The following TANGO6 variants were observed in gnomAD, a reference collection of about 807,000 sequenced individuals.
TANGO6 encodes the protein transport and Golgi organization protein 6 homolog.
Under a neutral mutation model 114.2 loss-of-function variants are expected in TANGO6, and 90 were observed. The ratio of observed to expected loss-of-function variants is 0.79; its 90% confidence interval spans 0.66 to 0.94. TANGO6 has a LOEUF of 0.94. TANGO6 is among the 40% of genes least tolerant of loss of function. The pLI is 0.00. For synonymous variants in TANGO6, 477 were observed against 509.8 expected (o/e 0.94, Z 0.87); for missense variants, 1,274 against 1,315.3 (o/e 0.97, Z 0.49).
chr16:69,068,980 G>A (rs1203700509), intron 17 of TANGO6, among the ~76,000 whole-genome samples: 1 of 152,194 alleles, frequency 6.6e-6, no homozygotes, highest in Non-Finnish European at 1.5e-5. Flanking sequence ...GCCTGCCACA[G>A]TGCTGGGATT....
chr16:68,936,374 G>A (rs1240770374), intron 14 of TANGO6, among the ~76,000 whole-genome samples: 1 of 151,822 alleles, frequency 6.6e-6, no homozygotes, highest in East Asian at 1.9e-4. Context: ...TTTCTTTCTT[G>A]TTACCCAGGC....
intron 4 of TANGO6, among the ~76,000 whole-genome samples, chr16:68,872,392 C>T (rs1255758156): frequency 2.6e-5 from 4 of 151,436 alleles, no homozygotes; most frequent in South Asian, 2.1e-4. Flanking sequence ...ACCTCTGCCT[C>T]CCAGGTTCAA....
chr16:68,855,230 T>C (rs1217381787), intron 1 of TANGO6, among the ~76,000 whole-genome samples: 23 of 151,530 alleles, frequency 1.5e-4, no homozygotes, highest in Admixed American at 1.5e-3. Flanking sequence ...ACATAAAAAA[T>C]TTCTCAGCAA....
intron 15 of TANGO6, among the ~76,000 whole-genome samples, chr16:68,979,418 T>C (rs750693003): frequency 1.1e-4 from 17 of 151,888 alleles, no homozygotes; most frequent in South Asian, 2.1e-4. Context: ...TTAGTAGAGA[T>C]GGGGTTTCAT....
intron 17 of TANGO6, among the ~76,000 whole-genome samples, chr16:69,050,472 A>G (rs1003213098): frequency 1.3e-5 from 2 of 149,274 alleles, no homozygotes; most frequent in Non-Finnish European, 3.0e-5. Context: ...CTCCTAAACT[A>G]TGCCACCATG....
chr16:68,936,707 A>G (rs192425678), intron 14 of TANGO6, among the ~76,000 whole-genome samples: 1 of 152,214 alleles, frequency 6.6e-6, no homozygotes, highest in African/African-American at 2.4e-5. Flanking sequence ...TTTAAAGGGT[A>G]TTTTGAAAAC....
intron 7 of TANGO6, 131 bp downstream of exon 7, chr16:68,880,761 G>A (rs550510632): frequency 1.4e-3 from 692 of 500,812 alleles, no homozygotes; most frequent in Non-Finnish European, 1.7e-3. Context: ...CTGGCCTCAA[G>A]CGATCCTCCT....
chr16:68,865,328 G>T (rs566957755), intron 3 of TANGO6, among the ~76,000 whole-genome samples: 1 of 150,788 alleles, frequency 6.6e-6, no homozygotes. Context: ...CAGTGTTCTA[G>T]CCCAAAATAA....
chr16:68,929,210 C>T (rs993864449), intron 13 of TANGO6, among the ~76,000 whole-genome samples: 18 of 152,168 alleles, frequency 1.2e-4, no homozygotes, highest in Non-Finnish European at 1.9e-4. Context: ...TGAGCCACCG[C>T]GCCTGGCCTT....
intron 7 of TANGO6, among the ~76,000 whole-genome samples, chr16:68,898,522 T>C (rs899845831): frequency 6.6e-6 from 1 of 152,144 alleles, no homozygotes; most frequent in African/African-American, 2.4e-5. Flanking sequence ...TTATTTTTTA[T>C]AGTGATGGGG....
chr16:69,061,579 A>G (rs917460269), intron 17 of TANGO6, among the ~76,000 whole-genome samples: 1 of 151,646 alleles, frequency 6.6e-6, no homozygotes, highest in Non-Finnish European at 1.5e-5. Flanking sequence ...TCTTCCCATT[A>G]TATTTATATT....
At chr16:68,883,441 C>G (rs1962493157) in intron 7 of TANGO6, among the ~76,000 whole-genome samples, 1 of 152,164 alleles carries the variant, frequency 6.6e-6, no homozygotes, top group African/African-American at 2.4e-5. Flanking sequence ...GCTTTTTTCA[C>G]TTTGCATGAT....
At chr16:69,074,234 TAAC>T (rs1305096028) in intron 17 of TANGO6, among the ~76,000 whole-genome samples, 2 of 151,722 alleles carry the variant, frequency 1.3e-5, no homozygotes, top group Non-Finnish European at 2.9e-5. Flanking sequence ...GGAAAACAAA[TAAC>T]AACAACAAGA....
chr16:69,013,118 C>CTT, intron 15 of TANGO6, among the ~76,000 whole-genome samples: 1 of 144,298 alleles, frequency 6.9e-6, no homozygotes, highest in African/African-American at 2.5e-5. Context: ...AGTTACACAC[C>CTT]TTTTTTTTTT....
chr16:69,081,412 G>C (rs1292996249), intron 17 of TANGO6, among the ~76,000 whole-genome samples: 1 of 151,312 alleles, frequency 6.6e-6, no homozygotes, highest in Admixed American at 6.6e-5. Flanking sequence ...GTCTCACTCT[G>C]TTGCCCAGGC....
intron 1 of TANGO6, among the ~76,000 whole-genome samples, chr16:68,848,278 T>G (rs1271205418): frequency 1.3e-5 from 2 of 152,100 alleles, no homozygotes; most frequent in African/African-American, 2.4e-5. Flanking sequence ...TTTCCTTTTA[T>G]TCTTTTTTAA....
At chr16:69,028,065 T>G (rs1959534336) in intron 16 of TANGO6, among the ~76,000 whole-genome samples, 1 of 152,094 alleles carries the variant, frequency 6.6e-6, no homozygotes, top group Non-Finnish European at 1.5e-5. Flanking sequence ...GTTCAAGTGA[T>G]TCTCCTGCCT....
chr16:68,865,658 G>A (rs926267142), intron 3 of TANGO6, among the ~76,000 whole-genome samples: 12 of 151,990 alleles, frequency 7.9e-5, no homozygotes, highest in Admixed American at 7.2e-4. Flanking sequence ...CGGGCGCGGT[G>A]GCGCACTTTG....
intron 16 of TANGO6, among the ~76,000 whole-genome samples, chr16:69,039,602 C>G (rs1233352112): frequency 1.3e-5 from 2 of 152,204 alleles, no homozygotes; most frequent in Non-Finnish European, 2.9e-5. Context: ...CACCACTGCA[C>G]TCCAGCCTGG....
Sources: gnomAD v4.1 joint callset for allele counts (sites outside exome capture counted in the v4.1 genomes callset) on GRCh38, gnomAD v4.1.1 for gene constraint, MANE v1.5 for transcripts, NCBI Gene and HGNC (gene_info 2026-07-23, HGNC 2026-07-21) for gene names.